Variants in DSCAML1 observed in about 807,000 individuals in gnomAD.
DSCAML1 encodes cell adhesion molecule DSCAML1.
DSCAML1 carries 38 observed loss-of-function variants against 200.5 expected under a neutral mutation model. The observed-to-expected ratio is 0.19, with a 90% CI of 0.15 to 0.25. DSCAML1 has a LOEUF of 0.25. DSCAML1 is among the 10% of genes least tolerant of loss of function. The probability of loss-of-function intolerance (pLI) is 1.00; values close to 1 mark genes in which losing one functional copy is unlikely to be tolerated. For synonymous variants in DSCAML1, 1,215 were observed against 1,165.0 expected, an observed-to-expected ratio of 1.04 and a Z score of -0.87; for missense variants, 2,223 against 2,858.8, an observed-to-expected ratio of 0.78 and a Z score of 5.07.
intron 3 of DSCAML1, among the ~76,000 whole-genome samples, chr11:117,675,670 T>C (rs1352804272): frequency 2.0e-5 from 3 of 151,492 alleles, no homozygotes; most frequent in African/African-American, 7.3e-5. Context: ...CCCGGCTGCG[T>C]GGTTGGTTTT....
intron 3 of DSCAML1, among the ~76,000 whole-genome samples, chr11:117,647,985 C>T (rs1399503634): frequency 3.9e-5 from 6 of 152,206 alleles, no homozygotes; most frequent in African/African-American, 1.4e-4. Context: ...AAACTCAGAG[C>T]AGTGTCCCAC....
Position 117,480,395 on chromosome 11 carries a change from A to G in DSCAML1, c.2785+48T>C. 1 of 1,608,478 alleles carries G rather than the reference A, an allele frequency of 6.2e-7. No homozygotes were observed. The highest frequency in any genetic ancestry group is 8.5e-7 in the Non-Finnish European group (1 of 1,177,434). On this transcript the variant is annotated intron_variant, in intron 14 of 32. Transcript: ENST00000651296. The surrounding 1 kb of genome is among the most constrained non-coding windows in gnomAD (Gnocchi z 4.1). ...AGGGCACAGGCAGGACACGTGGCAC[A>G]AGGGGCCATGGCAGGCCACGCTGTC... is the stretch of plus-strand genomic sequence containing the variant.
At chr11:117,787,823 GGA>G (rs1418712858) in intron 1 of DSCAML1, among the ~76,000 whole-genome samples, 1 of 152,186 alleles carries the variant, frequency 6.6e-6, no homozygotes, top group Admixed American at 6.5e-5. Context: ...GATGTGAGCT[GGA>G]GAGGTTTCTT....
chr11:117,688,027 G>C (rs1411084146), intron 3 of DSCAML1, among the ~76,000 whole-genome samples: 1 of 151,744 alleles, frequency 6.6e-6, no homozygotes, highest in African/African-American at 2.4e-5. Context: ...CCCGTGGTCG[G>C]CGACAGCTGT....
chr11:117,713,265 G>A (rs763489085), intron 3 of DSCAML1, among the ~76,000 whole-genome samples: 31 of 152,116 alleles, frequency 2.0e-4, no homozygotes, highest in African/African-American at 5.1e-4. Context: ...ACAGGCGCAC[G>A]CCACCACACC....
intron 5 of DSCAML1, 138 bp from the exon 6 acceptor site, chr11:117,521,543 G>T: frequency 1.2e-6 from 1 of 826,518 alleles, no homozygotes; most frequent in Non-Finnish European, 1.9e-6. Flanking sequence ...CCCTTGTGTG[G>T]ACTGGGACTG....
intron 3 of DSCAML1, among the ~76,000 whole-genome samples, chr11:117,638,861 T>G (rs996303389): frequency 6.6e-6 from 1 of 152,236 alleles, no homozygotes; most frequent in Admixed American, 6.5e-5. Flanking sequence ...AGTTTTTGCG[T>G]GGATGTATGT....
rs567743374 is a variant in DSCAML1, at chr11:117,670,236, A to G, written c.511+106555T>C. On this transcript the variant is annotated intron_variant, in intron 3 of 32. Transcript: ENST00000651296. ...AGGAGCGGTGGCTGGAAAGGGAGGG[A>G]GAAAACAAATCCAATTGCCAGGCTT... 2.6e-5 allele frequency among the ~76,000 whole-genome samples: 4 copies of G among 152,208 alleles called. No individual in the cohort carries two copies. In the East Asian group the frequency reaches 5.8e-4, roughly 22 times the overall value.
intron 3 of DSCAML1, among the ~76,000 whole-genome samples, chr11:117,612,802 G>T (rs536037997): frequency 5.3e-5 from 8 of 152,210 alleles, no homozygotes; most frequent in African/African-American, 1.9e-4. Context: ...GGATCCTGTG[G>T]CTTGGTGGCC....
intron 14 of DSCAML1, among the ~76,000 whole-genome samples, chr11:117,474,592 C>T (rs2048751331): frequency 6.6e-6 from 1 of 152,108 alleles, no homozygotes; most frequent in Non-Finnish European, 1.5e-5. Flanking sequence ...ACACTTCAAA[C>T]TCAACCTGTC....
chr11:117,477,618 CAGA>C (rs2060999155), intron 14 of DSCAML1, among the ~76,000 whole-genome samples: 2 of 152,232 alleles, frequency 1.3e-5, no homozygotes, highest in East Asian at 1.9e-4. Flanking sequence ...TTAGAAGAGA[CAGA>C]AGAAGTTATA....
Position 117,780,279 on chromosome 11 carries a change from A to AGAAG in DSCAML1, c.364+213_364+214insCTTC, listed in dbSNP as rs1324128018. On this transcript the variant is annotated intron_variant, in intron 2 of 32. Coordinates refer to ENST00000651296, the MANE Select transcript of DSCAML1 (RefSeq NM_020693.4). This position sits in a 1 kb window ranked among gnomAD's most constrained non-coding sequence, Gnocchi z 4.8. ...AAGAAAGAAAGAAAGAAAGAAAGAA[A>AGAAG]GAAAGAAAGAAAGAAAGAAAGAAAG... Among the ~76,000 whole-genome samples the AGAAG allele has an allele frequency of 5.2e-5, 5 of 96,936 alleles. No homozygotes were observed. Among genetic ancestry groups the AGAAG allele is most frequent in the Admixed American group, 5.0e-4 (5 of 10,058 alleles). The allele number at this position is 96,936 out of a possible 152,430, so 63.6% of individuals were successfully genotyped here. A position where few individuals can be genotyped will look rare whatever the true frequency, so the allele number is the denominator to read the frequency against.
In DSCAML1 at chr11:117,589,043, G is replaced by T. The variant is rs369776049; in HGVS notation, c.512-56521C>A. 2.6e-5 allele frequency among the ~76,000 whole-genome samples: 4 copies of T among 152,316 alleles called. No individual in the cohort carries two copies. In the East Asian group the frequency reaches 5.8e-4, roughly 22 times the overall value. On this transcript the variant is annotated intron_variant, in intron 3 of 32. Coordinates refer to ENST00000651296, the MANE Select transcript of DSCAML1 (RefSeq NM_020693.4). ...GAAAAACAAGGCGTGGGTTTCGGAG[G>T]CTGTTGCAGGGAAGCATTGGGGTCA...
chr11:117,814,458 C>G (rs914891818), intron 1 of DSCAML1, among the ~76,000 whole-genome samples: 10 of 152,370 alleles, frequency 6.6e-5, no homozygotes, highest in Non-Finnish European at 1.3e-4. Flanking sequence ...GCTGCCTACC[C>G]TGACCCCACA....
At chr11:117,578,236 G>GAAAAAA (rs59533726) in intron 3 of DSCAML1, among the ~76,000 whole-genome samples, 94 of 101,240 alleles carry the variant, frequency 9.3e-4, no homozygotes, top group Non-Finnish European at 1.1e-3. Flanking sequence ...ACTCTGTCTC[G>GAAAAAA]AAAAAAAAAA....
At chr11:117,521,719 A>G (rs2049890391) in intron 5 of DSCAML1, among the ~76,000 whole-genome samples, 1 of 151,720 alleles carries the variant, frequency 6.6e-6, no homozygotes, top group African/African-American at 2.4e-5. Context: ...GAGGGCGGAG[A>G]CTTGACTGGC....
intron 16 of DSCAML1, among the ~76,000 whole-genome samples, chr11:117,467,011 G>A (rs902999169): frequency 3.9e-5 from 6 of 152,170 alleles, no homozygotes; most frequent in Admixed American, 1.3e-4. Context: ...CTGGATGGAG[G>A]CACAGAGATG....
At chr11:117,478,147 T>C (rs1172752150) in intron 14 of DSCAML1, among the ~76,000 whole-genome samples, 1 of 152,152 alleles carries the variant, frequency 6.6e-6, no homozygotes, top group Admixed American at 6.5e-5. Flanking sequence ...CGTGTGATGT[T>C]CTCCACATTG....
intron 3 of DSCAML1, among the ~76,000 whole-genome samples, chr11:117,585,896 T>C (rs574937879): frequency 2.6e-5 from 4 of 152,220 alleles, no homozygotes; most frequent in Admixed American, 1.3e-4. Context: ...TTTTTGTTGA[T>C]ACCATGCGCC....
Sources: gnomAD v4.1 joint callset for allele counts (sites outside exome capture counted in the v4.1 genomes callset) on GRCh38, gnomAD v4.1.1 for gene constraint, Gnocchi (gnomAD v3.1) non-coding constraint, MANE v1.5 for transcripts, NCBI Gene and HGNC (gene_info 2026-07-23, HGNC 2026-07-21) for gene names.